Variants in KCNQ5 observed in about 807,000 individuals in gnomAD.
The protein encoded by KCNQ5 is potassium voltage-gated channel subfamily KQT member 5.
In KCNQ5, 30 loss-of-function variants were observed where a neutral mutation model predicts 98.2. The observed-to-expected ratio is 0.31, with a 90% confidence interval of 0.23 to 0.41. KCNQ5 has a LOEUF of 0.41. Ranked by LOEUF, KCNQ5 falls within the 10% of genes least tolerant of loss-of-function variation. The pLI, the probability that KCNQ5 is intolerant of heterozygous loss-of-function variation, is 1.00. For synonymous variants in KCNQ5, 458 were observed against 449.4 expected, an observed-to-expected ratio of 1.02 and a Z score of -0.24; for missense variants, 835 against 1,182.5, an observed-to-expected ratio of 0.71 and a Z score of 4.31.
At chr6:72,663,745 G>A (rs1436443309) in intron 1 of KCNQ5, among the ~76,000 whole-genome samples, 1 of 151,970 alleles carries the variant, frequency 6.6e-6, no homozygotes, top group Non-Finnish European at 1.5e-5. Flanking sequence ...TCCAAAATAA[G>A]ACTCTTTCAA....
At chr6:73,059,035 C>G (rs529961015) in intron 3 of KCNQ5, among the ~76,000 whole-genome samples, 113 of 152,300 alleles carry the variant, frequency 7.4e-4, no homozygotes, top group African/African-American at 2.6e-3. Context: ...AATGGAATTA[C>G]CATTTGACCC....
At chr6:73,001,594 G>A in intron 1 of KCNQ5, among the ~76,000 whole-genome samples, 1 of 152,112 alleles carries the variant, frequency 6.6e-6, no homozygotes, top group East Asian at 1.9e-4. Context: ...TGTTTTCTGG[G>A]AAACCTGGAC....
chr6:72,644,604 A>G (rs1185089531), intron 1 of KCNQ5, among the ~76,000 whole-genome samples: 1 of 152,328 alleles, frequency 6.6e-6, no homozygotes, highest in East Asian at 1.9e-4. Flanking sequence ...GACAGCATGT[A>G]TGCATGTATA....
intron 10 of KCNQ5, chr6:73,136,097 C>T (rs1360030633): frequency 1.3e-5 from 2 of 152,220 alleles, no homozygotes; most frequent in Admixed American, 6.5e-5. Flanking sequence ...TGCTCACCCA[C>T]ATCACAGCAT....
chr6:72,668,771 G>A (rs954676406), intron 1 of KCNQ5, among the ~76,000 whole-genome samples: 4 of 144,382 alleles, frequency 2.8e-5, no homozygotes, highest in African/African-American at 1.0e-4. Flanking sequence ...TGAGAACATG[G>A]CAAGAAGGCA....
chr6:72,622,781 G>A lies in KCNQ5; in HGVS notation c.398+194G>A, dbSNP rs1372726472. 6.6e-6 allele frequency among the ~76,000 whole-genome samples: 1 copy of A among 152,150 alleles called. No homozygotes were observed. Among genetic ancestry groups the A allele is most frequent in the Non-Finnish European group, 1.5e-5 (1 of 68,034 alleles). ...CAGCCCCACTTCTCTCATCTCTACA[G>A]CTTGAACCTTTTCCCCGAGGACACC... On this transcript the variant is annotated intron_variant, in intron 1 of 13. Transcript: ENST00000370398. This position sits in a 1 kb window ranked among gnomAD's most constrained non-coding sequence, Gnocchi z 6.0.
intron 2 of KCNQ5, among the ~76,000 whole-genome samples, chr6:73,011,304 AC>A (rs940854463): frequency 2.1e-4 from 32 of 152,080 alleles, no homozygotes; most frequent in African/African-American, 7.2e-4. Context: ...CAACATTTAG[AC>A]CCATGGAATA....
chr6:73,112,075 C>A (rs1297183934), intron 7 of KCNQ5, among the ~76,000 whole-genome samples: 1 of 152,070 alleles, frequency 6.6e-6, no homozygotes. Flanking sequence ...TCTCCTTTTG[C>A]CATCCATATA....
chr6:72,760,460 GT>G (rs1772210943), intron 1 of KCNQ5, among the ~76,000 whole-genome samples: 6 of 151,576 alleles, frequency 4.0e-5, no homozygotes, highest in Admixed American at 3.3e-4. Context: ...GTGTGTGTGT[GT>G]GTGTGTGTGT....
chr6:72,785,856 A>C (rs1773712216), intron 1 of KCNQ5, among the ~76,000 whole-genome samples: 1 of 152,058 alleles, frequency 6.6e-6, no homozygotes, highest in Admixed American at 6.6e-5. Flanking sequence ...AGTTACATCC[A>C]TTCCCGCAAT....
Position 73,197,583 on chromosome 6 carries a change from ACACACACACACACACACACACACACACAC to A in KCNQ5, c.*2170_*2198del. On this transcript the variant is annotated 3_prime_UTR_variant, in exon 14 of 14. Transcript: ENST00000370398. ...TCCCCCTTGCAAGAATGTTGCATAC[ACACACACACACACACACACACACACACAC>A]ACACACACACACACACACACACACA... The A allele has an allele frequency of 4.2e-5, 1 of 23,548 alleles. No homozygotes were observed. The highest frequency in any genetic ancestry group is 4.2e-4 in the Admixed American group (1 of 2,390). 1.5% of individuals were successfully genotyped at this position (23,548 alleles called of 1,614,324 possible). A position where few individuals can be genotyped will look rare whatever the true frequency, so the allele number is the denominator to read the frequency against.
At chr6:73,050,596 C>G (rs76109833) in intron 3 of KCNQ5, among the ~76,000 whole-genome samples, 1 of 152,038 alleles carries the variant, frequency 6.6e-6, no homozygotes, top group African/African-American at 2.4e-5. Flanking sequence ...TTTTTACATG[C>G]GCTCAATTTT....
intron 1 of KCNQ5, among the ~76,000 whole-genome samples, chr6:72,674,797 TA>T (rs1767327074): frequency 6.6e-6 from 1 of 152,000 alleles, no homozygotes; most frequent in Non-Finnish European, 1.5e-5. Context: ...AAATAAAGTT[TA>T]AAAACAAAGA....
Position 73,006,468 on chromosome 6 carries a change from A to G in KCNQ5, c.489+2470A>G, listed in dbSNP as rs544620621. Among the ~76,000 whole-genome samples the G allele has an allele frequency of 4.6e-5, 7 of 152,192 alleles. No homozygotes were observed. The East Asian group carries it at 1.4e-3, about 29-fold the overall frequency. On this transcript the variant is annotated intron_variant, in intron 2 of 13. Coordinates refer to ENST00000370398, the MANE Select transcript of KCNQ5 (RefSeq NM_019842.4). ...GGAGTTTGATACCAGCCTGGCCAACACAGTGAAAGCCTGTCTCTACTAAAA... is the reference window on the plus strand; with the variant it reads ...GGAGTTTGATACCAGCCTGGCCAACGCAGTGAAAGCCTGTCTCTACTAAAA...
rs556416567 is a variant in KCNQ5 at position 72,663,870 on chromosome 6, G to A, written c.398+41283G>A. Among the ~76,000 whole-genome samples the A allele has an allele frequency of 5.3e-5, 8 of 151,874 alleles. No homozygotes were observed. In the East Asian group the frequency reaches 7.7e-4, roughly 15 times the overall value. On this transcript the variant is annotated intron_variant, in intron 1 of 13. Coordinates refer to ENST00000370398, the MANE Select transcript of KCNQ5 (RefSeq NM_019842.4). ...TATGTGTGTTGACAGTGTGTCCTCC[G>A]CTTTAAATCTTCAAGTATATTATCT... is the stretch of plus-strand genomic sequence containing the variant.
chr6:72,729,685 A>G (rs1770462547), intron 1 of KCNQ5, among the ~76,000 whole-genome samples: 1 of 152,218 alleles, frequency 6.6e-6, no homozygotes, highest in East Asian at 1.9e-4. Flanking sequence ...AATCTTGTCA[A>G]CACTGTGTGT....
Position 73,060,427 on chromosome 6 carries a change from A to C in KCNQ5, c.617-16895A>C, listed in dbSNP as rs531231642. Among the ~76,000 whole-genome samples, 5 of 152,328 alleles carry C rather than the reference A, an allele frequency of 3.3e-5. No homozygotes were observed. In the East Asian group the frequency reaches 9.6e-4, roughly 29 times the overall value. On this transcript the variant is annotated intron_variant, in intron 3 of 13. Coordinates refer to ENST00000370398, the MANE Select transcript of KCNQ5 (RefSeq NM_019842.4). ...CCAAGATAAACTCCAAATAAATCAA[A>C]GATTTAAATTAAATAAGACCATAAA... is the stretch of plus-strand genomic sequence containing the variant.
chr6:73,020,331 A>G (rs548800451), intron 2 of KCNQ5, among the ~76,000 whole-genome samples: 1 of 152,336 alleles, frequency 6.6e-6, no homozygotes, highest in African/African-American at 2.4e-5. Flanking sequence ...AATGGCTCAC[A>G]GAACTCAGGG....
rs1465478661 is a variant in KCNQ5, at chr6:72,796,756, A to T, written c.398+174169A>T. Among the ~76,000 whole-genome samples the T allele has an allele frequency of 4.6e-5, 7 of 152,356 alleles. No homozygotes were observed. In the East Asian group the frequency reaches 1.3e-3, roughly 29 times the overall value. On this transcript the variant is annotated intron_variant, in intron 1 of 13. Coordinates refer to ENST00000370398, the MANE Select transcript of KCNQ5 (RefSeq NM_019842.4). ...ATGAAAGCTGATTTAAGGTTTCAACATAATTAGCTGTATTTGTGATATTAA... is the reference window on the plus strand; with the variant it reads ...ATGAAAGCTGATTTAAGGTTTCAACTTAATTAGCTGTATTTGTGATATTAA...
Sources: gnomAD v4.1 joint callset for allele counts (sites outside exome capture counted in the v4.1 genomes callset) on GRCh38, gnomAD v4.1.1 for gene constraint, Gnocchi (gnomAD v3.1) non-coding constraint, MANE v1.5 for transcripts, NCBI Gene and HGNC (gene_info 2026-07-23, HGNC 2026-07-21) for gene names.